PARD3B: variants seen among roughly 807,000 people sequenced by gnomAD.
The protein encoded by PARD3B is par-3 family cell polarity regulator beta, also known as partitioning defective 3 homolog B.
Under a neutral mutation model 130.2 loss-of-function variants are expected in PARD3B, and 103 were observed. The ratio of observed to expected loss-of-function variants is 0.79; its 90% CI spans 0.67 to 0.93. The LOEUF is 0.93. Among genes scored for constraint, PARD3B ranks in the 40% least tolerant of loss-of-function variants. PARD3B has a pLI of 0.00. For missense variants in PARD3B, 1,609 were observed against 1,499.2 expected (o/e 1.07, Z -1.21); for synonymous variants, 583 against 553.2 (o/e 1.05, Z -0.76).
chr2:204,764,058 G>A (rs75769553), intron 2 of PARD3B, among the ~76,000 whole-genome samples: 5,238 of 152,250 alleles, frequency 0.034, 135 homozygotes, highest in East Asian at 0.16. Flanking sequence ...AAATTAAGGA[G>A]TGTGGACACT....
chr2:205,204,125 A>G (rs1032309638), intron 15 of PARD3B, among the ~76,000 whole-genome samples: 2 of 152,080 alleles, frequency 1.3e-5, no homozygotes, highest in Non-Finnish European at 2.9e-5. Flanking sequence ...TTGTTTCCTG[A>G]CTTTTTAATG....
intron 2 of PARD3B, among the ~76,000 whole-genome samples, chr2:204,701,776 G>A (rs2037906417): frequency 6.6e-6 from 1 of 151,782 alleles, no homozygotes; most frequent in Non-Finnish European, 1.5e-5. Context: ...GGGGGTACAT[G>A]TACGGGTTTG....
At chr2:205,255,710 C>T (rs941372909) in intron 16 of PARD3B, among the ~76,000 whole-genome samples, 3 of 152,118 alleles carry the variant, frequency 2.0e-5, no homozygotes, top group African/African-American at 7.2e-5. Flanking sequence ...AAGAACATTG[C>T]AAAGGATACA....
chr2:205,397,502 A>AT lies in PARD3B; in HGVS notation c.2631-3507dup, dbSNP rs2105999287. 6.6e-6 allele frequency among the ~76,000 whole-genome samples: 1 copy of AT among 152,334 alleles called. No individual in the cohort carries two copies. The highest frequency in any genetic ancestry group is 1.9e-4 in the East Asian group (1 of 5,188). On this transcript the variant is annotated intron_variant, in intron 18 of 22. Coordinates refer to ENST00000406610, the MANE Select transcript of PARD3B (RefSeq NM_001302769.2). This position sits in a 1 kb window ranked among gnomAD's most constrained non-coding sequence, Gnocchi z 4.8. The stretch of plus-strand genomic sequence containing the variant: ...TGCTGAACTGCAGTACAAGTCAAAC[A>AT]TTTTAGCTACCAGAAACAAAAATAA...
chr2:204,877,039 T>A (rs971764169), intron 2 of PARD3B, among the ~76,000 whole-genome samples: 1 of 152,124 alleles, frequency 6.6e-6, no homozygotes, highest in African/African-American at 2.4e-5. Context: ...ATGGCACATA[T>A]GCACCATGGA....
At position 205,619,952 on chromosome 2, in the gene PARD3B, T is replaced by G. The variant is rs1364783247; in HGVS notation, c.*4139T>G. 4 of 152,206 alleles carry G rather than the reference T, an allele frequency of 2.6e-5. No individual in the cohort carries two copies. Among genetic ancestry groups the G allele is most frequent in the African/African-American group, 7.2e-5 (3 of 41,450 alleles). 9.4% of individuals were successfully genotyped at this position (152,206 alleles called of 1,614,324 possible). Reference sequence around the variant, plus strand: ...CCATCACTTTTTCTGGTGTTTCCTGTGCTTTTGTGATTCCAAGTCTGTTCA... The same window carrying G: ...CCATCACTTTTTCTGGTGTTTCCTGGGCTTTTGTGATTCCAAGTCTGTTCA... On this transcript the variant is annotated 3_prime_UTR_variant, in exon 23 of 23. Coordinates refer to ENST00000406610, the MANE Select transcript of PARD3B (RefSeq NM_001302769.2).
chr2:205,328,409 T>C (rs1469307822), intron 18 of PARD3B, among the ~76,000 whole-genome samples: 1 of 152,182 alleles, frequency 6.6e-6, no homozygotes, highest in Non-Finnish European at 1.5e-5. Flanking sequence ...CATATAACCA[T>C]CACTGATTTT....
At chr2:205,215,823 A>G (rs2037878922) in intron 15 of PARD3B, among the ~76,000 whole-genome samples, 1 of 152,078 alleles carries the variant, frequency 6.6e-6, no homozygotes, top group Non-Finnish European at 1.5e-5. Flanking sequence ...TGGAATATAA[A>G]AATTTTCCCT....
chr2:205,598,627 A>G (rs934120226), intron 22 of PARD3B, among the ~76,000 whole-genome samples: 1 of 152,226 alleles, frequency 6.6e-6, no homozygotes, highest in Non-Finnish European at 1.5e-5. Context: ...CCTAATAGGC[A>G]TCTACAAAAT....
At chr2:204,790,982 G>A (rs2042181338) in intron 2 of PARD3B, among the ~76,000 whole-genome samples, 1 of 152,086 alleles carries the variant, frequency 6.6e-6, no homozygotes, top group Non-Finnish European at 1.5e-5. Flanking sequence ...GTGCATGCCT[G>A]TAATTCCAGC....
intron 2 of PARD3B, among the ~76,000 whole-genome samples, chr2:204,869,465 C>T (rs1440088858): frequency 6.6e-6 from 1 of 152,066 alleles, no homozygotes; most frequent in African/African-American, 2.4e-5. Flanking sequence ...AAATATTTAG[C>T]TTATTAGACC....
chr2:205,101,358 A>C (rs759317584), intron 4 of PARD3B, among the ~76,000 whole-genome samples: 4 of 152,196 alleles, frequency 2.6e-5, no homozygotes, highest in African/African-American at 2.4e-5. Context: ...AGGATGAATA[A>C]AATAAATTAA....
intron 3 of PARD3B, among the ~76,000 whole-genome samples, chr2:204,986,972 A>C (rs891248158): frequency 6.6e-6 from 1 of 152,156 alleles, no homozygotes; most frequent in Non-Finnish European, 1.5e-5. Context: ...TCTTTTAGGG[A>C]GATATTCTAA....
intron 3 of PARD3B, among the ~76,000 whole-genome samples, chr2:205,009,568 G>T (rs1695544275): frequency 6.6e-6 from 1 of 151,900 alleles, no homozygotes; most frequent in Admixed American, 6.6e-5. Flanking sequence ...CTTCTCGGGA[G>T]GCTGAGGCAG....
intron 10 of PARD3B, among the ~76,000 whole-genome samples, chr2:205,135,130 A>G (rs1013735214): frequency 6.6e-6 from 1 of 152,218 alleles, no homozygotes; most frequent in African/African-American, 2.4e-5. Flanking sequence ...ATATTTGAAC[A>G]GCTCGGAAAA....
intron 4 of PARD3B, among the ~76,000 whole-genome samples, chr2:205,057,511 G>T (rs190600893): frequency 7.0e-6 from 1 of 142,588 alleles, no homozygotes; most frequent in South Asian, 2.1e-4. Context: ...ACATATATGT[G>T]TATGTGCATG....
intron 1 of PARD3B, among the ~76,000 whole-genome samples, chr2:204,639,257 G>A (rs1168450437): frequency 1.3e-5 from 2 of 152,182 alleles, no homozygotes; most frequent in Non-Finnish European, 2.9e-5. Flanking sequence ...CAGAACATAA[G>A]ATCAGATTTT....
rs565276468 is a variant in PARD3B, at chr2:205,121,541, T to C, written c.807-50T>C. The C allele has an allele frequency of 2.6e-6, 4 of 1,521,250 alleles. No homozygotes were observed. In the East Asian group the frequency reaches 9.0e-5, roughly 34 times the overall value. 94.2% of individuals were successfully genotyped at this position (1,521,250 alleles called of 1,614,324 possible). On this transcript the variant is annotated intron_variant, in intron 7 of 22. Transcript: ENST00000406610. This position sits in a 1 kb window ranked among gnomAD's most constrained non-coding sequence, Gnocchi z 5.0. ...CATCCTCCTGGGGTACTTTAGAAGA[T>C]GCTGCACCTCAAAGCAGGGTCATCA...
At chr2:205,373,917 A>G (rs970523647) in intron 18 of PARD3B, among the ~76,000 whole-genome samples, 2 of 152,208 alleles carry the variant, frequency 1.3e-5, no homozygotes, top group African/African-American at 4.8e-5. Context: ...CTAGCATTAA[A>G]TTCATCACTG....
Sources: allele counts gnomAD v4.1 joint callset (sites outside exome capture counted in the v4.1 genomes callset), GRCh38; gene constraint gnomAD v4.1.1; non-coding constraint Gnocchi (gnomAD v3.1); transcripts MANE v1.5; gene names NCBI Gene and HGNC (gene_info 2026-07-23, HGNC 2026-07-21).